CACNA1C: variants seen among roughly 807,000 people sequenced by gnomAD.
The protein encoded by CACNA1C is voltage-dependent L-type calcium channel subunit alpha-1C.
CACNA1C carries 30 observed loss-of-function variants against 229.0 expected under a neutral mutation model. The ratio of observed to expected loss-of-function variants is 0.13; its 90% CI spans 0.10 to 0.18. The LOEUF (loss-of-function observed/expected upper bound fraction) is 0.18. CACNA1C is among the 10% of genes least tolerant of loss of function. The pLI is 1.00. For synonymous variants in CACNA1C, 1,114 were observed against 1,132.5 expected, an observed-to-expected ratio of 0.98 and a Z score of 0.33; for missense variants, 1,658 against 2,845.0, an observed-to-expected ratio of 0.58 and a Z score of 9.49.
chr12:2,566,274 G>A lies in CACNA1C; in HGVS notation c.1509-148G>A. 1.5e-6 allele frequency: 1 copy of A among 671,648 alleles called. No homozygotes were observed. Among genetic ancestry groups the A allele is most frequent in the African/African-American group, 1.8e-5 (1 of 55,064 alleles). The allele number at this position is 671,648 out of a possible 1,614,324, so 41.6% of individuals were successfully genotyped here. A position where few individuals can be genotyped will look rare whatever the true frequency, so the allele number is the denominator to read the frequency against. On this transcript the variant is annotated intron_variant, in intron 11 of 46. Transcript: ENST00000399655. This position sits in a 1 kb window ranked among gnomAD's most constrained non-coding sequence, Gnocchi z 4.0. The stretch of plus-strand genomic sequence containing the variant: ...GGCGGCAGGGCCTGGTTAGCTGGAT[G>A]AGAAGCTGGGCTCCTTGCCACCAGA...
rs903119742 is a variant in CACNA1C, at chr12:2,410,127, C to G, written c.478-38849C>G. ...ACTGTGGGTTGCTTTTAGCTGTCAGCCTTGGATGGTGGGCTCATGCATTCT... is the reference window on the plus strand; with the variant it reads ...ACTGTGGGTTGCTTTTAGCTGTCAGGCTTGGATGGTGGGCTCATGCATTCT... On this transcript the variant is annotated intron_variant, in intron 3 of 46. Coordinates refer to ENST00000399655, the MANE Select transcript of CACNA1C (RefSeq NM_000719.7). The surrounding 1 kb of genome is among the most constrained non-coding windows in gnomAD (Gnocchi z 5.3). Among the ~76,000 whole-genome samples, 9 of 152,206 alleles carry G rather than the reference C, an allele frequency of 5.9e-5. No individual in the cohort carries two copies. The highest frequency in any genetic ancestry group is 4.6e-4 in the Admixed American group (7 of 15,278).
intron 5 of CACNA1C, among the ~76,000 whole-genome samples, chr12:2,470,814 A>G (rs11836925): frequency 0.15 from 22,309 of 152,076 alleles, 1,722 homozygotes; most frequent in South Asian, 0.19. Flanking sequence ...AGTTGGACTG[A>G]TCAGAGAAGG....
At position 2,563,642 on chromosome 12, in the gene CACNA1C, G is replaced by C. The variant is rs577067471; in HGVS notation, c.1509-2780G>C. 2.0e-5 allele frequency among the ~76,000 whole-genome samples: 3 copies of C among 152,304 alleles called. No individual in the cohort carries two copies. The East Asian group carries it at 5.8e-4, about 29-fold the overall frequency. ...CTCATCTTAGATTTAGCAAAGTCTT[G>C]GTAACAGGATTTTCTGCAGATCATA... On this transcript the variant is annotated intron_variant, in intron 11 of 46. Coordinates refer to ENST00000399655, the MANE Select transcript of CACNA1C (RefSeq NM_000719.7).
intron 30 of CACNA1C, 24 bp from the exon 31 acceptor site, chr12:2,648,451 A>G: frequency 1.2e-6 from 2 of 1,612,612 alleles, no homozygotes; most frequent in Non-Finnish European, 1.7e-6. Flanking sequence ...ATTACAGCTT[A>G]TCTCTATCTG....
In CACNA1C at chr12:2,056,196, A is replaced by AGTGTGT. The variant is rs138718348; in HGVS notation, c.49+2622_49+2627dup. Reference sequence around the variant, plus strand: ...GTGTGTGCATGTGTGAGTGTGTGTGAGTGTGTGTGTGTGTGTGTGTGTGTG... The same window carrying AGTGTGT: ...GTGTGTGCATGTGTGAGTGTGTGTGAGTGTGTGTGTGTGTGTGTGTGTGTGTGTGTG... On this transcript the variant is annotated intron_variant, in intron 1 of 46. Coordinates refer to ENST00000399655, the MANE Select transcript of CACNA1C (RefSeq NM_000719.7). Among the ~76,000 whole-genome samples the AGTGTGT allele has an allele frequency of 1.4e-4, 20 of 146,124 alleles. No homozygotes were observed. In the South Asian group the frequency reaches 1.8e-3, roughly 13 times the overall value.
intron 3 of CACNA1C, among the ~76,000 whole-genome samples, chr12:2,188,592 G>A (rs2154293533): frequency 6.6e-6 from 1 of 152,130 alleles, no homozygotes; most frequent in East Asian, 1.9e-4. Flanking sequence ...CCCAGAGAGA[G>A]AGAAAAAATA....
intron 5 of CACNA1C, among the ~76,000 whole-genome samples, chr12:2,473,325 C>T (rs1028568652): frequency 6.6e-6 from 1 of 152,314 alleles, no homozygotes; most frequent in East Asian, 1.9e-4. Flanking sequence ...GGATGTCCCA[C>T]CACAGCCACT....
intron 8 of CACNA1C, among the ~76,000 whole-genome samples, chr12:2,510,427 CA>C (rs1356362820): frequency 2.0e-5 from 3 of 152,184 alleles, no homozygotes; most frequent in East Asian, 1.9e-4. Context: ...CTCACACTCC[CA>C]AAACACATCC....
At position 2,053,513 on chromosome 12, in the gene CACNA1C, C is replaced by T; in HGVS notation, c.-50C>T. ...CCAGACCCGCCGGGGGGTGTTTTCA[C>T]ATTTCTTCCTCTTCGTGGCTGCTCC... On this transcript the variant is annotated 5_prime_UTR_variant, in exon 1 of 47. Coordinates refer to ENST00000399655, the MANE Select transcript of CACNA1C (RefSeq NM_000719.7). This position sits in a 1 kb window ranked among gnomAD's most constrained non-coding sequence, Gnocchi z 5.8. 1 of 1,551,946 alleles carries T rather than the reference C, an allele frequency of 6.4e-7. No individual in the cohort carries two copies. Among genetic ancestry groups the T allele is most frequent in the Non-Finnish European group, 8.7e-7 (1 of 1,147,368 alleles).
chr12:2,333,558 C>T (rs922941320), intron 3 of CACNA1C, among the ~76,000 whole-genome samples: 2 of 152,200 alleles, frequency 1.3e-5, no homozygotes, highest in African/African-American at 4.8e-5. Context: ...GAAGCATGAC[C>T]GCGCCATCCA....
chr12:2,525,237 A>G lies in CACNA1C; in HGVS notation c.1390+12253A>G, dbSNP rs904533667. Among the ~76,000 whole-genome samples the G allele has an allele frequency of 5.9e-5, 9 of 152,246 alleles. No individual in the cohort carries two copies. In the East Asian group the frequency reaches 1.7e-3, roughly 29 times the overall value. ...GGTCACTGTGCAGCCGAGTGTGGACAATGGGCTGGAAGGAGAGAGAAGCTG... is the reference window on the plus strand; with the variant it reads ...GGTCACTGTGCAGCCGAGTGTGGACGATGGGCTGGAAGGAGAGAGAAGCTG... On this transcript the variant is annotated intron_variant, in intron 9 of 46. Transcript: ENST00000399655.
intron 30 of CACNA1C, among the ~76,000 whole-genome samples, chr12:2,640,622 G>A (rs746611716): frequency 1.3e-5 from 2 of 152,222 alleles, no homozygotes; most frequent in Non-Finnish European, 2.9e-5. Context: ...GCCAGAAGGA[G>A]CAAGCAGCGA....
At chr12:2,578,031 G>A (rs1168886176) in intron 13 of CACNA1C, among the ~76,000 whole-genome samples, 9 of 151,442 alleles carry the variant, frequency 5.9e-5, no homozygotes, top group African/African-American at 2.2e-4. Context: ...ACCACACCCG[G>A]CTAATTTTTT....
In CACNA1C at chr12:2,348,935, G is replaced by A. The variant is rs77950170; in HGVS notation, c.478-100041G>A. Among the ~76,000 whole-genome samples, 11 of 152,288 alleles carry A rather than the reference G, an allele frequency of 7.2e-5. No homozygotes were observed. The East Asian group carries it at 1.5e-3, about 21-fold the overall frequency. On this transcript the variant is annotated intron_variant, in intron 3 of 46. Coordinates refer to ENST00000399655, the MANE Select transcript of CACNA1C (RefSeq NM_000719.7). This position sits in a 1 kb window ranked among gnomAD's most constrained non-coding sequence, Gnocchi z 4.7. ...TTAATGGAATTCCTCTTAGAGGCAG[G>A]CATCGACTGGCTAACTGGTATGATA...
chr12:2,441,594 C>T (rs1336071477), intron 3 of CACNA1C, among the ~76,000 whole-genome samples: 1 of 152,188 alleles, frequency 6.6e-6, no homozygotes, highest in Admixed American at 6.5e-5. Flanking sequence ...CAGGGCCTGG[C>T]GGTCTCCCTC....
At chr12:2,240,448 T>G (rs1161494564) in intron 3 of CACNA1C, among the ~76,000 whole-genome samples, 1 of 152,256 alleles carries the variant, frequency 6.6e-6, no homozygotes, top group Non-Finnish European at 1.5e-5. Flanking sequence ...AAGACACATC[T>G]GCACCTTTAC....
chr12:2,030,577 T>C (rs566552671), intron 1 of CACNA1C, among the ~76,000 whole-genome samples: 2 of 152,298 alleles, frequency 1.3e-5, no homozygotes, highest in South Asian at 4.1e-4. Context: ...GATGTGCCCT[T>C]GGGGCTGCAT....
intron 3 of CACNA1C, among the ~76,000 whole-genome samples, chr12:2,126,575 C>T (rs2090149332): frequency 6.6e-6 from 1 of 152,194 alleles, no homozygotes; most frequent in Non-Finnish European, 1.5e-5. Flanking sequence ...GGAGCAAGAG[C>T]CAAGCTTGAA....
At chr12:2,038,388 G>A (rs1454024912) in intron 1 of CACNA1C, among the ~76,000 whole-genome samples, 3 of 152,104 alleles carry the variant, frequency 2.0e-5, no homozygotes, top group South Asian at 2.1e-4. Flanking sequence ...TACTTAATCC[G>A]ACTATGTAAC....
Sources: gnomAD v4.1 joint callset for allele counts (sites outside exome capture counted in the v4.1 genomes callset) on GRCh38, gnomAD v4.1.1 for gene constraint, Gnocchi (gnomAD v3.1) non-coding constraint, MANE v1.5 for transcripts, NCBI Gene and HGNC (gene_info 2026-07-23, HGNC 2026-07-21) for gene names.